GTF2A1: variants seen among roughly 807,000 people sequenced by gnomAD.
GTF2A1 encodes general transcription factor IIA subunit 1.
GTF2A1 carries 12 observed loss-of-function variants against 54.1 expected under a neutral mutation model. That is an observed-to-expected ratio of 0.22 (90% CI 0.14 to 0.36). GTF2A1 has a LOEUF of 0.36. GTF2A1 is among the 10% of genes least tolerant of loss of function. The pLI, the probability that GTF2A1 is intolerant of heterozygous loss-of-function variation, is 1.00. For synonymous variants in GTF2A1, 145 were observed against 152.0 expected (o/e 0.95, Z 0.34); for missense variants, 335 against 442.2 (o/e 0.76, Z 2.17).
At chr14:81,217,692 T>G (rs1322842729) in intron 1 of GTF2A1, among the ~76,000 whole-genome samples, 6 of 152,106 alleles carry the variant, frequency 3.9e-5, no homozygotes, top group East Asian at 1.9e-4. Context: ...CTTGGGAGGC[T>G]GAGGTGGGAG....
rs151035780 is a variant in GTF2A1 at position 81,192,830 on chromosome 14, G to C, written c.622C>G (p.Pro208Ala). 2.5e-6 allele frequency: 4 copies of C among 1,604,194 alleles called. No homozygotes were observed. The highest frequency in any genetic ancestry group is 1.3e-5 in the African/African-American group (1 of 74,632). The change falls in exon 7 of 9, where the codon CCT (proline) becomes GCT (alanine). Residue 208 changes from proline (P) to alanine (A), a missense_variant. By Grantham distance (27) the Pro-to-Ala change is conservative. This residue lies in a region of GTF2A1 where 306 missense variants were observed against 360.4 expected (regional missense o/e 0.85). Transcript: ENST00000553612. The part of the protein sequence containing the change: ...QAPVIQQVLA[P>A]LPGGISPQTG... The stretch of plus-strand genomic sequence containing the variant: ...TGTGGTGAAATCCCTCCAGGAAGAG[G>C]AGCCAGCACCTAAAGCAAAAGAAAA...
rs76511843 is a variant in GTF2A1, at chr14:81,219,815, T to G, written c.30+674A>C. On this transcript the variant is annotated intron_variant, in intron 1 of 8. Coordinates refer to ENST00000553612, the MANE Select transcript of GTF2A1 (RefSeq NM_015859.4). ...GGGGACACTTGGACCACTGCAGGCT[T>G]TTTTTGTTTGTTTTGGTGCTTCTGC... 5.8e-3 allele frequency among the ~76,000 whole-genome samples: 886 copies of G among 152,254 alleles called. 7 individuals are homozygous for G. The highest frequency in any genetic ancestry group is 9.1e-3 in the Non-Finnish European group (617 of 67,988).
intron 6 of GTF2A1, among the ~76,000 whole-genome samples, chr14:81,195,062 C>A (rs905015901): frequency 5.3e-5 from 8 of 151,390 alleles, no homozygotes; most frequent in Admixed American, 3.3e-4. Context: ...ATCACTTGAA[C>A]CCAGGAGGCG....
At chr14:81,203,424 A>C (rs1893157207) in intron 3 of GTF2A1, among the ~76,000 whole-genome samples, 1 of 152,208 alleles carries the variant, frequency 6.6e-6, no homozygotes, top group African/African-American at 2.4e-5. Flanking sequence ...CAAAGTATAC[A>C]AAAAACTCCA....
At chr14:81,202,440 C>T (rs1417571366) in intron 3 of GTF2A1, among the ~76,000 whole-genome samples, 2 of 152,028 alleles carry the variant, frequency 1.3e-5, no homozygotes, top group Non-Finnish European at 2.9e-5. Flanking sequence ...TTAAAAAATA[C>T]AAATCAGCCG....
At chr14:81,210,550 C>G (rs528666549) in intron 2 of GTF2A1, among the ~76,000 whole-genome samples, 1 of 151,950 alleles carries the variant, frequency 6.6e-6, no homozygotes, top group African/African-American at 2.4e-5. Context: ...TACTAACATA[C>G]GTTTTTGTTT....
rs534511440 is a variant in GTF2A1, at chr14:81,210,759, T to C, written c.132+5654A>G. On this transcript the variant is annotated intron_variant, in intron 2 of 8. Coordinates refer to ENST00000553612, the MANE Select transcript of GTF2A1 (RefSeq NM_015859.4). ...TAGTAGATACGGGGTTTCACCGTGTTGGCCAGGCTGTTCTCAAACTCCTGA... is the reference window on the plus strand; with the variant it reads ...TAGTAGATACGGGGTTTCACCGTGTCGGCCAGGCTGTTCTCAAACTCCTGA... Among the ~76,000 whole-genome samples, 26 of 152,242 alleles carry C rather than the reference T, an allele frequency of 1.7e-4. No individual in the cohort carries two copies. In the East Asian group the frequency reaches 4.7e-3, roughly 27 times the overall value.
chr14:81,181,487 C>A (rs2140144757), intron 8 of GTF2A1, among the ~76,000 whole-genome samples: 1 of 152,310 alleles, frequency 6.6e-6, no homozygotes, highest in Non-Finnish European at 1.5e-5. Flanking sequence ...TACGCTTTTA[C>A]TAAATCAGTC....
At chr14:81,202,154 A>C (rs2140162002) in intron 3 of GTF2A1, among the ~76,000 whole-genome samples, 1 of 152,312 alleles carries the variant, frequency 6.6e-6, no homozygotes, top group African/African-American at 2.4e-5. Context: ...GCAATTCCTA[A>C]GGATGCAAGG....
rs1417725567 is a variant in GTF2A1 at position 81,179,373 on chromosome 14, T to G, written c.*850A>C. The G allele has an allele frequency of 6.6e-6, 1 of 152,218 alleles. No homozygotes were observed. Among genetic ancestry groups the G allele is most frequent in the Non-Finnish European group, 1.5e-5 (1 of 68,036 alleles). 9.4% of individuals were successfully genotyped at this position (152,218 alleles called of 1,614,324 possible). A position where few individuals can be genotyped will look rare whatever the true frequency, so the allele number is the denominator to read the frequency against. ...TCTACATATATTCATGTGTATACAA[T>G]TTCAGCTAGATGGTATGCTTGCAAA... On this transcript the variant is annotated 3_prime_UTR_variant, in exon 9 of 9. Coordinates refer to ENST00000553612, the MANE Select transcript of GTF2A1 (RefSeq NM_015859.4).
At chr14:81,209,779 T>C (rs1187137331) in intron 2 of GTF2A1, 4 of 445,556 alleles carry the variant, frequency 9.0e-6, no homozygotes, top group African/African-American at 6.1e-5. Flanking sequence ...CAATTCCCTA[T>C]ACAAGACAAA....
rs997635728 is a variant in GTF2A1 at position 81,179,977 on chromosome 14, T to C, written c.*246A>G. On this transcript the variant is annotated 3_prime_UTR_variant, in exon 9 of 9. Transcript: ENST00000553612. ...AGGTACCTGTATTTAAAATCAACAA[T>C]TATGGTTTTCCTACACAAAACCCCA... 31 of 272,952 alleles carry C rather than the reference T, an allele frequency of 1.1e-4. No homozygotes were observed. 16.9% of individuals were successfully genotyped at this position (272,952 alleles called of 1,614,324 possible).
chr14:81,216,539 G>T, intron 1 of GTF2A1, 25 bp from the exon 2 acceptor site: 2 of 1,047,676 alleles, frequency 1.9e-6, no homozygotes, highest in South Asian at 1.4e-5. Flanking sequence ...TAAAAGACTT[G>T]AAAAAGACAG....
chr14:81,191,940 T>C (rs1892884637), intron 7 of GTF2A1, among the ~76,000 whole-genome samples: 3 of 152,162 alleles, frequency 2.0e-5, no homozygotes, highest in Non-Finnish European at 4.4e-5. Context: ...AAAATTGTGG[T>C]GGGACAAATA....
At chr14:81,216,271 C>A in intron 2 of GTF2A1, 142 bp downstream of exon 2, 1 of 571,376 alleles carries the variant, frequency 1.8e-6, no homozygotes. Flanking sequence ...AGGAAGAATG[C>A]ATGGCAGAGT....
At position 81,211,875 on chromosome 14, in the gene GTF2A1, T is replaced by TATA. The variant is rs1419902730; in HGVS notation, c.132+4537_132+4538insTAT. On this transcript the variant is annotated intron_variant, in intron 2 of 8. Coordinates refer to ENST00000553612, the MANE Select transcript of GTF2A1 (RefSeq NM_015859.4). ...ACATAATTAGAGTGTATCAAGTACT[T>TATA]TATATATATATATATATATATATAT... Among the ~76,000 whole-genome samples, 263 of 68,484 alleles carry TATA rather than the reference T, an allele frequency of 3.8e-3. 16 individuals are homozygous for TATA. The highest frequency in any genetic ancestry group is 6.0e-3 in the African/African-American group (118 of 19,826). 44.9% of individuals were successfully genotyped at this position (68,484 alleles called of 152,430 possible).
chr14:81,201,045 A>C (rs904244586), intron 4 of GTF2A1, among the ~76,000 whole-genome samples: 21 of 152,250 alleles, frequency 1.4e-4, no homozygotes, highest in African/African-American at 4.8e-4. Flanking sequence ...AGGACTTGTA[A>C]AGTTTAGTGG....
In GTF2A1 at chr14:81,177,904, T is replaced by G. The variant is rs1007684139; in HGVS notation, c.*2319A>C. On this transcript the variant is annotated 3_prime_UTR_variant, in exon 9 of 9. Transcript: ENST00000553612. Reference sequence around the variant, plus strand: ...TAATATATAAGAGCACAATTTGGTATGCAATGTAGCTTGGACCAGCTTTCA... The same window carrying G: ...TAATATATAAGAGCACAATTTGGTAGGCAATGTAGCTTGGACCAGCTTTCA... The G allele has an allele frequency of 3.3e-5, 5 of 152,168 alleles. No individual in the cohort carries two copies. Among genetic ancestry groups the G allele is most frequent in the African/African-American group, 9.7e-5 (4 of 41,450 alleles). The allele number at this position is 152,168 out of a possible 1,614,324, so 9.4% of individuals were successfully genotyped here.
chr14:81,204,048 C>G lies in GTF2A1; in HGVS notation c.189G>C (p.Glu63Asp). 1 of 1,613,810 alleles carries G rather than the reference C, an allele frequency of 6.2e-7. No homozygotes were observed. Among genetic ancestry groups the G allele is most frequent in the Admixed American group, 1.7e-5 (1 of 60,002 alleles). The change falls in exon 3 of 9, where the codon GAG becomes GAC. Residue 63 changes from glutamate to aspartate, a missense_variant. Glu to Asp is a conservative substitution (Grantham distance 45). This residue lies in a region of GTF2A1 where 306 missense variants were observed against 360.4 expected (regional missense o/e 0.85). Coordinates refer to ENST00000553612, the MANE Select transcript of GTF2A1 (RefSeq NM_015859.4). ...GTTGAACTTGCAGTAGAAGCTGCTG[C>G]TCTTCTGAATGAAATCCATCTACTG... is the stretch of plus-strand genomic sequence containing the variant. Reference protein sequence around the residue: ...SRAVDGFHSEEQQLLLQVQQQ... With the variant: ...SRAVDGFHSEDQQLLLQVQQQ...
Sources: allele counts gnomAD v4.1 joint callset (sites outside exome capture counted in the v4.1 genomes callset), GRCh38; gene constraint gnomAD v4.1.1; regional missense constraint gnomAD v4.1.1; transcripts MANE v1.5; gene names NCBI Gene and HGNC (gene_info 2026-07-23, HGNC 2026-07-21).